The following PKD1L1 variants were observed in gnomAD, a reference collection of about 807,000 sequenced individuals.
PKD1L1 encodes polycystin-1-like protein 1.
A neutral mutation model predicts 323.4 loss-of-function variants in PKD1L1; 236 were observed. The ratio of observed to expected loss-of-function variants is 0.73; its 90% CI spans 0.66 to 0.81. The LOEUF (loss-of-function observed/expected upper bound fraction) is 0.81, where lower values mean the gene tolerates loss of function less well. PKD1L1 is among the 40% of genes least tolerant of loss of function. The pLI is 0.00. For synonymous variants in PKD1L1, 1,344 were observed against 1,335.0 expected, an observed-to-expected ratio of 1.01 and a Z score of -0.15; for missense variants, 3,320 against 3,508.0, an observed-to-expected ratio of 0.95 and a Z score of 1.35.
intron 3 of PKD1L1, among the ~76,000 whole-genome samples, chr7:47,939,733 T>C (rs527470207): frequency 6.6e-6 from 1 of 152,174 alleles, no homozygotes; most frequent in Non-Finnish European, 1.5e-5. Context: ...CTGGAAGCCT[T>C]GTCTGTGCTG....
chr7:47,820,092 A>G (rs1011893413), intron 46 of PKD1L1, among the ~76,000 whole-genome samples: 17 of 152,222 alleles, frequency 1.1e-4, no homozygotes, highest in African/African-American at 4.1e-4. Flanking sequence ...TCAAAGCCAC[A>G]CTGCCTTGAA....
Position 47,830,155 on chromosome 7 carries a change from C to T in PKD1L1, c.6474-31G>A, listed in dbSNP as rs1292997598. The stretch of plus-strand genomic sequence containing the variant: ...CCCAGGGAAAGTGCAGTGGTCAGCC[C>T]CCTCTAAGGGAGCAGGCCACCCAGC... On this transcript the variant is annotated intron_variant, in intron 42 of 56. Transcript: ENST00000289672. 5.0e-6 allele frequency: 8 copies of T among 1,591,624 alleles called. No homozygotes were observed. The African/African-American group carries it at 6.7e-5, about 13-fold the overall frequency.
Position 47,929,419 on chromosome 7 carries a change from A to G in PKD1L1, c.845T>C (p.Leu282Pro). ...CATGAAGTTATCAGAATTTCGAGCT[A>G]GGATGGCCACAGGAGGATGCTGAGT... ...PPTQHPPVAI[L>P]ARNSDNFMNP... The change falls in exon 7 of 57, where the codon CTA (leucine) becomes CCA (proline). Residue 282 changes from leucine to proline, a missense_variant. Physicochemically the swap from Leu to Pro is moderately conservative, Grantham distance 98. Transcript: ENST00000289672. 6.2e-7 allele frequency: 1 copy of G among 1,614,194 alleles called. No homozygotes were observed. Among genetic ancestry groups the G allele is most frequent in the Middle Eastern group, 1.6e-4 (1 of 6,062 alleles).
intron 1 of PKD1L1, among the ~76,000 whole-genome samples, chr7:47,947,861 G>A (rs754986277): frequency 1.4e-4 from 22 of 152,158 alleles, no homozygotes; most frequent in Non-Finnish European, 2.8e-4. Flanking sequence ...CAGCTACTTG[G>A]GAGGCTGAGG....
intron 7 of PKD1L1, among the ~76,000 whole-genome samples, chr7:47,915,802 A>G (rs1275851701): frequency 6.6e-6 from 1 of 152,088 alleles, no homozygotes; most frequent in African/African-American, 2.4e-5. Context: ...AAAGAACTAT[A>G]AGAGCCTATT....
chr7:47,889,995 T>C (rs1786774380), intron 16 of PKD1L1, among the ~76,000 whole-genome samples: 1 of 152,244 alleles, frequency 6.6e-6, no homozygotes. Context: ...GTGTTTGGTG[T>C]CCGGGGGCTG....
chr7:47,801,554 C>T (rs576671492), intron 53 of PKD1L1, among the ~76,000 whole-genome samples: 13 of 152,114 alleles, frequency 8.5e-5, no homozygotes, highest in Non-Finnish European at 1.6e-4. Context: ...AGACTGTGGA[C>T]GGGCCTACAG....
At chr7:47,861,797 C>G (rs184053303) in intron 26 of PKD1L1, among the ~76,000 whole-genome samples, 2,390 of 138,182 alleles carry the variant, frequency 0.017, 80 homozygotes, top group African/African-American at 0.059. Flanking sequence ...AGGAGAATGG[C>G]GTGAACCTGG....
intron 45 of PKD1L1, among the ~76,000 whole-genome samples, chr7:47,821,694 C>CT (rs57150538): frequency 1.2e-4 from 17 of 141,462 alleles, no homozygotes; most frequent in African/African-American, 3.9e-4. Flanking sequence ...TTTCCCAGCA[C>CT]TTTTTTTTTT....
intron 5 of PKD1L1, 71 bp from the exon 6 acceptor site, chr7:47,931,392 T>C: frequency 6.5e-7 from 1 of 1,529,016 alleles, no homozygotes; most frequent in East Asian, 2.3e-5. Context: ...ATGTCCGCCA[T>C]GCTCAAAAAG....
chr7:47,800,344 G>T (rs2128725762), intron 54 of PKD1L1, among the ~76,000 whole-genome samples: 1 of 152,364 alleles, frequency 6.6e-6, no homozygotes, highest in African/African-American at 2.4e-5. Context: ...GATTGCAGAT[G>T]AAGTTCACAG....
At chr7:47,802,980 T>A (rs576375591) in intron 53 of PKD1L1, among the ~76,000 whole-genome samples, 89 of 152,356 alleles carry the variant, frequency 5.8e-4, no homozygotes, top group Middle Eastern at 6.8e-3. Context: ...TTGTAAGGTA[T>A]AGTACAGAGC....
intron 21 of PKD1L1, 133 bp downstream of exon 21, chr7:47,880,595 A>AT: frequency 2.2e-6 from 1 of 446,690 alleles, no homozygotes; most frequent in Non-Finnish European, 3.8e-6. Flanking sequence ...TATATATGTA[A>AT]TTTTTTAAAA....
intron 17 of PKD1L1, among the ~76,000 whole-genome samples, chr7:47,886,513 G>A (rs866010896): frequency 2.2e-4 from 33 of 152,150 alleles, no homozygotes; most frequent in African/African-American, 7.5e-4. Flanking sequence ...GGAGCCTGGT[G>A]GGAGGTGTTT....
At chr7:47,904,077 C>T (rs1488681090) in intron 12 of PKD1L1, among the ~76,000 whole-genome samples, 1 of 152,150 alleles carries the variant, frequency 6.6e-6, no homozygotes, top group African/African-American at 2.4e-5. Context: ...AGCCTCTCTC[C>T]CATTTCCCTT....
the PKD1L1 span, among the ~76,000 whole-genome samples, chr7:47,954,729 T>C: frequency 6.6e-6 from 1 of 152,190 alleles, no homozygotes; most frequent in South Asian, 2.1e-4. Flanking sequence ...CAATGAGTAA[T>C]GCTATTTTCT....
intron 39 of PKD1L1, 43 bp from the exon 40 acceptor site, chr7:47,834,428 T>C (rs1562952046): frequency 1.9e-6 from 3 of 1,539,614 alleles, no homozygotes; most frequent in Non-Finnish European, 2.7e-6. Context: ...TGCTTTGGGG[T>C]GATACATTTA....
At chr7:47,803,135 C>T in intron 53 of PKD1L1, 75 bp downstream of exon 53, 3 of 1,573,414 alleles carry the variant, frequency 1.9e-6, no homozygotes, top group Non-Finnish European at 2.6e-6. Flanking sequence ...TTTGTTTTTC[C>T]CTTGAGAAAG....
rs573640986 is a variant in PKD1L1 at position 47,847,147 on chromosome 7, G to T, written c.4961-76C>A. 8 of 1,205,324 alleles carry T rather than the reference G, an allele frequency of 6.6e-6. No individual in the cohort carries two copies. In the African/African-American group the frequency reaches 1.3e-4, roughly 19 times the overall value. The allele number at this position is 1,205,324 out of a possible 1,614,324, so 74.7% of individuals were successfully genotyped here. A position where few individuals can be genotyped will look rare whatever the true frequency, so the allele number is the denominator to read the frequency against. On this transcript the variant is annotated intron_variant, in intron 31 of 56. Coordinates refer to ENST00000289672, the MANE Select transcript of PKD1L1 (RefSeq NM_138295.5). ...GCATTCTCCATTTCAAACGCAGACAGAGTAGGCAGATAGGTGGGGACAAGG... is the reference window on the plus strand; with the variant it reads ...GCATTCTCCATTTCAAACGCAGACATAGTAGGCAGATAGGTGGGGACAAGG...
Sources: allele counts gnomAD v4.1 joint callset (sites outside exome capture counted in the v4.1 genomes callset), GRCh38; gene constraint gnomAD v4.1.1; transcripts MANE v1.5; gene names NCBI Gene and HGNC (gene_info 2026-07-23, HGNC 2026-07-21).